SHF: variants seen among roughly 807,000 people sequenced by gnomAD.
SHF encodes SH2 domain-containing adapter protein F.
A neutral mutation model predicts 42.4 loss-of-function variants in SHF; 30 were observed. The observed-to-expected ratio is 0.71, with a 90% confidence interval of 0.53 to 0.96. SHF has a LOEUF of 0.96. Among genes scored for constraint, SHF ranks in the 40% least tolerant of loss-of-function variants. The pLI, the probability that SHF is intolerant of heterozygous loss-of-function variation, is 0.00. For missense variants in SHF, 598 were observed against 634.0 expected, an observed-to-expected ratio of 0.94 and a Z score of 0.61; for synonymous variants, 264 against 269.9, an observed-to-expected ratio of 0.98 and a Z score of 0.21.
chr15:45,178,356 TCTG>T (rs1257162804), intron 1 of SHF, 50 bp from the exon 2 acceptor site: 3 of 1,586,076 alleles, frequency 1.9e-6, no homozygotes, highest in African/African-American at 1.4e-5. Context: ...GAGAGGCAAC[TCTG>T]CTTCTCCCAA....
chr15:45,173,610 C>T lies in SHF; in HGVS notation c.954G>A (p.Ser318=), dbSNP rs1452916971. The T allele has an allele frequency of 1.6e-5, 24 of 1,545,106 alleles. No homozygotes were observed. The highest frequency in any genetic ancestry group is 5.9e-5 in the Admixed American group (3 of 50,754). ...CCTCCAGGCTGGGCTCAGGGAGGGGCGAGGCTGGACCGGAGATGTCCCTGT... is the reference window on the plus strand; with the variant it reads ...CCTCCAGGCTGGGCTCAGGGAGGGGTGAGGCTGGACCGGAGATGTCCCTGT... ...DGDRDISGPA[S]PLPEPSLEDS... is the part of the protein sequence containing the mutation. The change falls in exon 4 of 7, where the codon TCG becomes TCA. Residue 318 remains serine (S), a synonymous_variant. Coordinates refer to ENST00000690270, the MANE Select transcript of SHF (RefSeq NM_001394037.1).
rs895319052 is a variant in SHF at position 45,173,735 on chromosome 15, G to T, written c.848-19C>A. 1.3e-6 allele frequency: 2 copies of T among 1,551,696 alleles called. No individual in the cohort carries two copies. The highest frequency in any genetic ancestry group is 2.0e-5 in the Admixed American group (1 of 51,002). ...ATGTCAACTGGAGCCAGCAGCAGAA[G>T]TGAGAAGAGAGACAGACAGTGACAG... is the stretch of plus-strand genomic sequence containing the variant. On this transcript the variant is annotated intron_variant, in intron 3 of 6. Coordinates refer to ENST00000690270, the MANE Select transcript of SHF (RefSeq NM_001394037.1).
At chr15:45,194,101 CAAAA>C (rs56176160) in intron 2 of SHF, among the ~76,000 whole-genome samples, 5 of 75,598 alleles carry the variant, frequency 6.6e-5, no homozygotes, top group African/African-American at 1.0e-4. Context: ...GAGTTTGTCT[CAAAA>C]AAAAAAAAAA....
chr15:45,176,480 C>A (rs1567032924), intron 2 of SHF, among the ~76,000 whole-genome samples: 1 of 151,904 alleles, frequency 6.6e-6, no homozygotes, highest in Non-Finnish European at 1.5e-5. Flanking sequence ...CAAAGACTTT[C>A]TTTCTGATCA....
At chr15:45,179,678 AG>A (rs1185815135) in intron 1 of SHF, among the ~76,000 whole-genome samples, 2 of 152,294 alleles carry the variant, frequency 1.3e-5, no homozygotes, top group East Asian at 3.9e-4. Context: ...CGGTTCACCC[AG>A]GGCTGCCAGC....
chr15:45,198,608 C>T (rs1898952073), intron 2 of SHF: 2 of 774,876 alleles, frequency 2.6e-6, no homozygotes, highest in Non-Finnish European at 3.8e-6. Flanking sequence ...TCCCACAATG[C>T]CGTGACTCGG....
At chr15:45,185,136 C>T (rs1246682152) in intron 1 of SHF, among the ~76,000 whole-genome samples, 1 of 152,234 alleles carries the variant, frequency 6.6e-6, no homozygotes, top group Non-Finnish European at 1.5e-5. Flanking sequence ...GTTCTGACTC[C>T]CCCAGCCCCA....
intron 2 of SHF, among the ~76,000 whole-genome samples, chr15:45,193,817 T>C (rs1898782288): frequency 6.6e-6 from 1 of 151,858 alleles, no homozygotes. Flanking sequence ...GCTGGTAGGA[T>C]TTGGACAGAT....
At chr15:45,168,170 TCTC>T in intron 6 of SHF, 37 bp from the exon 7 acceptor site, 1 of 1,527,130 alleles carries the variant, frequency 6.5e-7, no homozygotes, top group Non-Finnish European at 8.9e-7. Flanking sequence ...GAGTGGGGGC[TCTC>T]CTCAGCCCCC....
rs1898505801 is a variant in SHF at position 45,187,623 on chromosome 15, G to A, written c.329C>T (p.Ser110Phe). The change falls in exon 1 of 7, where the codon TCC (serine) becomes TTC (phenylalanine). Residue 110 changes from serine to phenylalanine, a missense_variant. By Grantham distance (155) the Ser-to-Phe change is radical (BLOSUM62 -2). Coordinates refer to ENST00000690270, the MANE Select transcript of SHF (RefSeq NM_001394037.1). ...GGCGGCGGAGCCGGACGACCCCCCG[G>A]AGTAGGGGTCTTCGAAGTCGCGCTC... ...QRERDFEDPY[S>F]GGSSGSAALA... is the part of the protein sequence containing the mutation. 1 of 1,229,932 alleles carries A rather than the reference G, an allele frequency of 8.1e-7. No individual in the cohort carries two copies. The highest frequency in any genetic ancestry group is 1.0e-6 in the Non-Finnish European group (1 of 986,746). 76.2% of individuals were successfully genotyped at this position (1,229,932 alleles called of 1,614,324 possible). A position where few individuals can be genotyped will look rare whatever the true frequency, so the allele number is the denominator to read the frequency against.
At position 45,198,793 on chromosome 15, in the gene SHF, CCT is replaced by C. The variant is rs1271627739; in HGVS notation, c.280_281del (p.Arg94GlyfsTer19). On this transcript the variant is annotated frameshift_variant, in exon 2 of 8. Coordinates refer to the SHF transcript ENST00000290894. LOFTEE classifies it high-confidence loss of function. ...TTACGGGGCGAGGTTCCAGCCTGTC[CCT>C]GAGTCTGATAATGCGCAGGCGCGTT... is the stretch of plus-strand genomic sequence containing the variant. 1 of 1,613,158 alleles carries C rather than the reference CCT, an allele frequency of 6.2e-7. No individual in the cohort carries two copies. The highest frequency in any genetic ancestry group is 1.3e-5 in the African/African-American group (1 of 74,892).
intron 1 of SHF, among the ~76,000 whole-genome samples, chr15:45,185,520 C>T (rs908961179): frequency 1.6e-4 from 25 of 152,246 alleles, no homozygotes; most frequent in African/African-American, 6.0e-4. Context: ...CCCGGGCCAA[C>T]TCAGATGGCA....
rs779799883 is a variant in SHF, at chr15:45,168,100, G to T, written c.1314C>A (p.Ser438=). 6.2e-7 allele frequency: 1 copy of T among 1,608,098 alleles called. No individual in the cohort carries two copies. The highest frequency in any genetic ancestry group is 8.5e-7 in the Non-Finnish European group (1 of 1,176,520). ...SSQGFMHMKL[S]RTKEHKYVLG... ...GCACATATTTGTGTTCCTTGGTTCGGGACAGCTTCATGTGCATGAATCCCT... is the reference window on the plus strand; with the variant it reads ...GCACATATTTGTGTTCCTTGGTTCGTGACAGCTTCATGTGCATGAATCCCT... Residue 438 remains serine, a synonymous_variant, in exon 7 of 7, where the codon TCC becomes TCA. Transcript: ENST00000690270.
upstream of SHF, chr15:45,187,986 G>A: frequency 9.3e-7 from 1 of 1,080,000 alleles, no homozygotes; most frequent in Non-Finnish European, 1.2e-6. Context: ...GAGCGCAGCG[G>A]CGGGTGGGGG....
intron 4 of SHF, 22 bp downstream of exon 4, chr15:45,173,554 C>T (rs773043716): frequency 1.4e-6 from 2 of 1,476,854 alleles, no homozygotes; most frequent in Non-Finnish European, 1.8e-6. Flanking sequence ...GTCACCCTGG[C>T]CAGAAGCCCC....
At chr15:45,180,235 C>T (rs1488100242) in intron 1 of SHF, among the ~76,000 whole-genome samples, 1 of 152,196 alleles carries the variant, frequency 6.6e-6, no homozygotes, top group Non-Finnish European at 1.5e-5. Context: ...TGATCATCGC[C>T]TATCTCCCCT....
chr15:45,187,283 G>A (rs1234753242), intron 1 of SHF, among the ~76,000 whole-genome samples, 171 bp downstream of exon 1: 1 of 152,230 alleles, frequency 6.6e-6, no homozygotes, highest in Non-Finnish European at 1.5e-5. Context: ...TTAGTCGGTT[G>A]AGAATCTGAA....
intron 1 of SHF, among the ~76,000 whole-genome samples, chr15:45,186,541 C>G (rs1490357149): frequency 6.6e-6 from 1 of 152,264 alleles, no homozygotes; most frequent in African/African-American, 2.4e-5. Context: ...GCTTTCAGCT[C>G]TCACTCTGCC....
chr15:45,189,232 G>T (rs904232042), upstream of SHF, among the ~76,000 whole-genome samples: 6 of 148,894 alleles, frequency 4.0e-5, no homozygotes, highest in Non-Finnish European at 8.9e-5. Flanking sequence ...GAAAAGGAAA[G>T]AAATAAAGCC....
Sources: gnomAD v4.1 joint callset for allele counts (sites outside exome capture counted in the v4.1 genomes callset) on GRCh38, gnomAD v4.1.1 for gene constraint, MANE v1.5 for transcripts, NCBI Gene and HGNC (gene_info 2026-07-23, HGNC 2026-07-21) for gene names.